ZBTB38: variants seen among roughly 807,000 people sequenced by gnomAD.
ZBTB38 encodes zinc finger and BTB domain containing 38.
In ZBTB38, 20 loss-of-function variants were observed where a neutral mutation model predicts 76.8. The observed-to-expected ratio is 0.26, with a 90% CI of 0.18 to 0.38. The LOEUF is 0.38. ZBTB38 is among the 10% of genes least tolerant of loss of function. The pLI is 1.00. For synonymous variants in ZBTB38, 504 were observed against 544.2 expected, an observed-to-expected ratio of 0.93 and a Z score of 1.03; for missense variants, 1,082 against 1,482.3, an observed-to-expected ratio of 0.73 and a Z score of 4.43.
In ZBTB38 at chr3:141,443,607, C is replaced by A; in HGVS notation, c.1219C>A (p.Arg407Ser). Residue 407 changes from arginine to serine, a missense_variant, in exon 6 of 6, where the codon CGC becomes AGC. Coordinates refer to ENST00000321464, the MANE Select transcript of ZBTB38 (RefSeq NM_001376113.1). This position sits in a 1 kb window ranked among gnomAD's most constrained non-coding sequence, Gnocchi z 5.6. Reference sequence around the variant, plus strand: ...CATGCCCATTCCTGGAGGAAACCAACGCTTTTTAGAAAACTATCCTACCAT... The same window carrying A: ...CATGCCCATTCCTGGAGGAAACCAAAGCTTTTTAGAAAACTATCCTACCAT... ...SHMPIPGGNQ[R>S]FLENYPTIGQ... 6.2e-7 allele frequency: 1 copy of A among 1,614,164 alleles called. No homozygotes were observed. The highest frequency in any genetic ancestry group is 8.5e-7 in the Non-Finnish European group (1 of 1,180,028).
chr3:141,342,725 C>CTTTT (rs60578286), intron 1 of ZBTB38, among the ~76,000 whole-genome samples: 1 of 108,810 alleles, frequency 9.2e-6, no homozygotes. Flanking sequence ...GTCCCATGAT[C>CTTTT]TTTTTTTTTT....
rs11714558 is a variant in ZBTB38, at chr3:141,444,203, T to C, written c.1815T>C (p.Val605=). 0.019 allele frequency: 31,458 copies of C among 1,614,144 alleles called. 397 individuals are homozygous for C. The highest frequency in any genetic ancestry group is 0.039 in the Middle Eastern group (238 of 6,062). ...AGTCTGCACCTGGTACCTATGTTGT[T>C]CAGAATCCACACAGCTCTGAATTAC... The part of the protein sequence containing the change: ...MNESAPGTYV[V]QNPHSSELPT... Residue 605 remains valine (V), a synonymous_variant, in exon 6 of 6, where the codon GTT becomes GTC. Coordinates refer to ENST00000321464, the MANE Select transcript of ZBTB38 (RefSeq NM_001376113.1). The surrounding 1 kb of genome is among the most constrained non-coding windows in gnomAD (Gnocchi z 5.1).
intron 1 of ZBTB38, among the ~76,000 whole-genome samples, chr3:141,333,248 A>G (rs1282613866): frequency 1.3e-5 from 2 of 152,134 alleles, no homozygotes; most frequent in Non-Finnish European, 2.9e-5. Flanking sequence ...TTAATAGGGG[A>G]CTGGGGTTGG....
In ZBTB38 at chr3:141,447,950, C is replaced by T. The variant is rs1454075801; in HGVS notation, c.*1974C>T. ...CAAGCAAATTCAACTTTATTTTATA[C>T]ATTGTATATATGTACACCCTACACT... On this transcript the variant is annotated 3_prime_UTR_variant, in exon 6 of 6. Coordinates refer to ENST00000321464, the MANE Select transcript of ZBTB38 (RefSeq NM_001376113.1). 2 of 152,588 alleles carry T rather than the reference C, an allele frequency of 1.3e-5. No individual in the cohort carries two copies. The highest frequency in any genetic ancestry group is 2.9e-5 in the Non-Finnish European group (2 of 68,026). 9.5% of individuals were successfully genotyped at this position (152,588 alleles called of 1,614,324 possible). A position where few individuals can be genotyped will look rare whatever the true frequency, so the allele number is the denominator to read the frequency against.
At chr3:141,436,245 G>T (rs2078755234) in intron 5 of ZBTB38, among the ~76,000 whole-genome samples, 2 of 152,084 alleles carry the variant, frequency 1.3e-5, no homozygotes, top group African/African-American at 4.8e-5. Flanking sequence ...TCATCCTGGG[G>T]ATATCCTTCA....
intron 1 of ZBTB38, among the ~76,000 whole-genome samples, chr3:141,354,399 G>A (rs192721318): frequency 7.0e-4 from 106 of 152,140 alleles, no homozygotes; most frequent in Admixed American, 3.9e-3. Flanking sequence ...ATGCTGCCTC[G>A]CAATCAGGTG....
intron 5 of ZBTB38, among the ~76,000 whole-genome samples, chr3:141,418,260 A>T (rs73872721): frequency 0.022 from 3,396 of 152,270 alleles, 154 homozygotes; most frequent in African/African-American, 0.078. Context: ...AGCCCTGCAC[A>T]TGCCTGTGGG....
intron 1 of ZBTB38, among the ~76,000 whole-genome samples, chr3:141,346,781 T>TG (rs371341974): frequency 8.3e-5 from 8 of 96,670 alleles, no homozygotes; most frequent in South Asian, 4.0e-4. Context: ...TTTGTTTTGT[T>TG]TTGTGTGTGT....
chr3:141,327,297 A>G (rs1328920904), intron 1 of ZBTB38, among the ~76,000 whole-genome samples: 1 of 152,202 alleles, frequency 6.6e-6, no homozygotes, highest in Non-Finnish European at 1.5e-5. Context: ...AAAGGGGGAA[A>G]AAGAGAAATC....
intron 1 of ZBTB38, among the ~76,000 whole-genome samples, chr3:141,327,425 C>G (rs1319199246): frequency 6.6e-6 from 1 of 152,188 alleles, no homozygotes; most frequent in Non-Finnish European, 1.5e-5. Context: ...TCTTCCTCCC[C>G]CAAACCCATG....
At chr3:141,428,580 G>C (rs973691359) in intron 5 of ZBTB38, among the ~76,000 whole-genome samples, 4 of 152,018 alleles carry the variant, frequency 2.6e-5, no homozygotes, top group Non-Finnish European at 4.4e-5. Context: ...CTTCACCTCC[G>C]GGGTTCAAGC....
intron 1 of ZBTB38, among the ~76,000 whole-genome samples, chr3:141,342,871 C>T (rs1358270985): frequency 6.6e-6 from 1 of 151,186 alleles, no homozygotes; most frequent in Non-Finnish European, 1.5e-5. Flanking sequence ...TGAACAAGAG[C>T]TGAGGAAGGG....
chr3:141,399,294 C>T (rs577638621), intron 4 of ZBTB38, among the ~76,000 whole-genome samples: 1 of 152,284 alleles, frequency 6.6e-6, no homozygotes, highest in Non-Finnish European at 1.5e-5. Context: ...TTAGGTGGGA[C>T]TTGAATTCTC....
At chr3:141,415,118 G>A (rs13091182) in intron 5 of ZBTB38, among the ~76,000 whole-genome samples, 36,969 of 148,844 alleles carry the variant, frequency 0.25, 5,502 homozygotes, top group Non-Finnish European at 0.34. Flanking sequence ...AGGGAACTTG[G>A]TTTCCCTACA....
intron 1 of ZBTB38, among the ~76,000 whole-genome samples, chr3:141,334,074 C>T (rs751895994): frequency 3.4e-4 from 51 of 152,154 alleles, no homozygotes; most frequent in Admixed American, 5.9e-4. Context: ...AAGAATGGGA[C>T]GCATACATCT....
chr3:141,445,247 A>G lies in ZBTB38; in HGVS notation c.2859A>G (p.Lys953=). 6.2e-7 allele frequency: 1 copy of G among 1,614,216 alleles called. No individual in the cohort carries two copies. Among genetic ancestry groups the G allele is most frequent in the Non-Finnish European group, 8.5e-7 (1 of 1,180,044 alleles). ...HGNRSPSHKC[K]YPAELDCAVG... ...ACAGGAGCCCGAGCCATAAATGTAA[A>G]TACCCAGCAGAACTGGATTGCGCCG... The change falls in exon 6 of 6, where the codon AAA becomes AAG. Residue 953 remains lysine (K), a synonymous_variant. Coordinates refer to ENST00000321464, the MANE Select transcript of ZBTB38 (RefSeq NM_001376113.1). The surrounding 1 kb of genome is among the most constrained non-coding windows in gnomAD (Gnocchi z 6.5).
chr3:141,372,653 CAAA>C (rs1296129222), intron 2 of ZBTB38, among the ~76,000 whole-genome samples: 5 of 104,288 alleles, frequency 4.8e-5, no homozygotes, highest in Non-Finnish European at 2.0e-5. Context: ...ACTCCATCTC[CAAA>C]AAAAAAAAAA....
chr3:141,430,055 TTTTTGTTTTG>T, intron 5 of ZBTB38, among the ~76,000 whole-genome samples: 1 of 152,114 alleles, frequency 6.6e-6, no homozygotes, highest in Middle Eastern at 3.4e-3. Context: ...GTTTTTTCGT[TTTTTGTTTTG>T]TTTTGTTTTG....
intron 1 of ZBTB38, among the ~76,000 whole-genome samples, chr3:141,347,444 A>G (rs1426159885): frequency 2.6e-5 from 4 of 152,208 alleles, no homozygotes; most frequent in Non-Finnish European, 5.9e-5. Flanking sequence ...TTTCTATAAT[A>G]TATAGTCTCT....
Sources: allele counts gnomAD v4.1 joint callset (sites outside exome capture counted in the v4.1 genomes callset), GRCh38; gene constraint gnomAD v4.1.1; non-coding constraint Gnocchi (gnomAD v3.1); transcripts MANE v1.5; gene names NCBI Gene and HGNC (gene_info 2026-07-23, HGNC 2026-07-21).